The following SAP130 variants were observed in gnomAD, a reference collection of about 807,000 sequenced individuals.
SAP130 encodes Sin3A associated protein 130, also known as histone deacetylase complex subunit SAP130.
SAP130 carries 16 observed loss-of-function variants against 103.2 expected under a neutral mutation model. That is an observed-to-expected ratio of 0.16 (90% confidence interval 0.10 to 0.24). The LOEUF is 0.24. Ranked by LOEUF, SAP130 falls within the 10% of genes least tolerant of loss-of-function variation. The pLI is 1.00. For missense variants in SAP130, 990 were observed against 1,359.7 expected, an observed-to-expected ratio of 0.73 and a Z score of 4.28; for synonymous variants, 477 against 497.0, an observed-to-expected ratio of 0.96 and a Z score of 0.53.
chr2:128,015,119 G>T (rs571019569), intron 4 of SAP130, among the ~76,000 whole-genome samples: 3 of 152,120 alleles, frequency 2.0e-5, no homozygotes, highest in Non-Finnish European at 4.4e-5. Flanking sequence ...AGAAGTATGA[G>T]GACCCCACAA....
chr2:128,023,017 G>A (rs974168572), intron 2 of SAP130, among the ~76,000 whole-genome samples: 13 of 149,578 alleles, frequency 8.7e-5, no homozygotes, highest in South Asian at 2.1e-4. Context: ...TTTTTGAGAC[G>A]GAATCTTGCT....
chr2:127,965,265 C>G (rs1470736165), intron 15 of SAP130, among the ~76,000 whole-genome samples: 2 of 152,148 alleles, frequency 1.3e-5, no homozygotes, highest in African/African-American at 4.8e-5. Flanking sequence ...CCACTGCACT[C>G]CAGCCTGGCA....
At chr2:128,004,569 C>A (rs1683826570) in intron 7 of SAP130, among the ~76,000 whole-genome samples, 1 of 151,766 alleles carries the variant, frequency 6.6e-6, no homozygotes, top group South Asian at 2.1e-4. Flanking sequence ...GTATAATACT[C>A]CAAAATGAGG....
rs1247765366 is a variant in SAP130, at chr2:127,989,574, T to C, written c.1770A>G (p.Gly590=). The C allele has an allele frequency of 6.2e-7, 1 of 1,600,780 alleles. No homozygotes were observed. Among genetic ancestry groups the C allele is most frequent in the African/African-American group, 1.3e-5 (1 of 74,462 alleles). Residue 590 remains glycine (G), a synonymous_variant, in exon 13 of 21, where the codon GGA becomes GGG. Coordinates refer to ENST00000643581, the MANE Select transcript of SAP130 (RefSeq NM_001330301.2). This position sits in a 1 kb window ranked among gnomAD's most constrained non-coding sequence, Gnocchi z 4.6. ...PMGTQQPQPE[G]KTSAVVLADG... The stretch of plus-strand genomic sequence containing the variant: ...AAAATTTAAAATTACCTGAAGTCTT[T>C]CCTTCAGGCTGAGGCTGCTGAGTAC...
intron 2 of SAP130, among the ~76,000 whole-genome samples, chr2:128,018,479 T>C (rs1243384566): frequency 1.2e-5 from 1 of 85,376 alleles, no homozygotes. Context: ...AGGAAGATTG[T>C]CTCCAAAAAA....
At position 127,950,318 on chromosome 2, in the gene SAP130, C is replaced by T; in HGVS notation, c.2513G>A (p.Gly838Asp). 1 of 1,614,142 alleles carries T rather than the reference C, an allele frequency of 6.2e-7. No individual in the cohort carries two copies. The highest frequency in any genetic ancestry group is 8.5e-7 in the Non-Finnish European group (1 of 1,180,022). The change falls in exon 17 of 21, where the codon GGT (glycine) becomes GAT (aspartate). Residue 838 changes from glycine to aspartate, a missense_variant. By Grantham distance (94) the Gly-to-Asp change is moderately conservative. Around this residue, in one of 6 missense-constraint regions of SAP130, gnomAD observed 349 missense variants for 384.1 expected, o/e 0.91. Coordinates refer to ENST00000643581, the MANE Select transcript of SAP130 (RefSeq NM_001330301.2). The stretch of plus-strand genomic sequence containing the variant: ...TCGAGGCTTTTTCCTTGGGGAGGCA[C>T]CAGGTGGTAGGTCACTTGTAGGCAT... The part of the protein sequence containing the change: ...LSMPTSDLPP[G>D]ASPRKKPRKQ...
chr2:127,987,037 G>T, intron 13 of SAP130, 75 bp from the exon 14 acceptor site: 1 of 1,309,294 alleles, frequency 7.6e-7, no homozygotes. Context: ...AAATAAAAAT[G>T]ATGAGACCAC....
At chr2:128,012,446 G>C (rs1413082087) in intron 6 of SAP130, among the ~76,000 whole-genome samples, 1 of 151,976 alleles carries the variant, frequency 6.6e-6, no homozygotes, top group Admixed American at 6.6e-5. Flanking sequence ...CTTCAGCCTG[G>C]GCAACAGAGT....
intron 7 of SAP130, among the ~76,000 whole-genome samples, chr2:128,007,617 T>C (rs1394117382): frequency 1.3e-5 from 2 of 152,228 alleles, no homozygotes; most frequent in Non-Finnish European, 2.9e-5. Context: ...TATTAATAAC[T>C]GCCACAAAGT....
At chr2:128,014,539 G>A (rs1684638283) in intron 5 of SAP130, among the ~76,000 whole-genome samples, 1 of 152,194 alleles carries the variant, frequency 6.6e-6, no homozygotes, top group African/African-American at 2.4e-5. Context: ...GTTTCGCCAT[G>A]TTGCCCAGGC....
intron 2 of SAP130, among the ~76,000 whole-genome samples, chr2:128,024,342 G>A (rs1685351972): frequency 6.6e-6 from 1 of 151,956 alleles, no homozygotes; most frequent in African/African-American, 2.4e-5. Flanking sequence ...TAGGTTGGCA[G>A]GAGGAAGGCT....
chr2:127,948,231 T>A (rs928474314), intron 18 of SAP130, among the ~76,000 whole-genome samples: 1 of 152,210 alleles, frequency 6.6e-6, no homozygotes, highest in African/African-American at 2.4e-5. Context: ...TTTAGACTAT[T>A]TACATTTATG....
intron 18 of SAP130, among the ~76,000 whole-genome samples, 189 bp downstream of exon 18, chr2:127,949,680 G>A (rs534091039): frequency 1.1e-4 from 17 of 152,280 alleles, no homozygotes; most frequent in African/African-American, 4.1e-4. Flanking sequence ...CAGCTTGCTA[G>A]GGCAAAGGGT....
chr2:128,027,062 G>T (rs778849672), intron 1 of SAP130: 2 of 1,407,040 alleles, frequency 1.4e-6, no homozygotes, highest in South Asian at 1.7e-5. Flanking sequence ...CTGGGGACCC[G>T]ACCACAAGAC....
chr2:128,013,251 G>C, intron 5 of SAP130, 97 bp from the exon 6 acceptor site: 1 of 1,190,214 alleles, frequency 8.4e-7, no homozygotes, highest in South Asian at 1.7e-5. Context: ...TGTCAATATC[G>C]AGCTGAAGTA....
chr2:127,964,025 T>C (rs1680458407), intron 15 of SAP130, among the ~76,000 whole-genome samples: 1 of 152,228 alleles, frequency 6.6e-6, no homozygotes, highest in African/African-American at 2.4e-5. Context: ...AAGCCCTTTT[T>C]ACCCATTTTA....
chr2:127,941,806 C>A lies in SAP130; in HGVS notation c.*200G>T, dbSNP rs75756949. On this transcript the variant is annotated 3_prime_UTR_variant, in exon 21 of 21. Coordinates refer to ENST00000643581, the MANE Select transcript of SAP130 (RefSeq NM_001330301.2). ...CAGGTTTAACAGGGGTGCACCCGAA[C>A]GCAAGAAGGCAGCTCACTATGTCCA... 3.2e-3 allele frequency: 1,795 copies of A among 568,990 alleles called. 30 individuals are homozygous for A. The African/African-American group carries it at 0.032, about 10-fold the overall frequency. The allele number at this position is 568,990 out of a possible 1,614,324, so 35.2% of individuals were successfully genotyped here.
chr2:127,997,791 A>G (rs1360931886), intron 10 of SAP130, among the ~76,000 whole-genome samples: 1 of 152,182 alleles, frequency 6.6e-6, no homozygotes, highest in Non-Finnish European at 1.5e-5. Flanking sequence ...CCACTCAGCC[A>G]TTAATTTAAA....
rs140930383 is a variant in SAP130, at chr2:127,990,693, C to T, written c.1478-827G>A. The stretch of plus-strand genomic sequence containing the variant: ...TGATGATTTGTACCGATGATCCCAA[C>T]GCTTTGGGAGACTGAGGTATGAGGA... On this transcript the variant is annotated intron_variant, in intron 12 of 20. Transcript: ENST00000643581. Among the ~76,000 whole-genome samples, 179 of 152,230 alleles carry T rather than the reference C, an allele frequency of 1.2e-3. 1 individual carries two copies. Among genetic ancestry groups the T allele is most frequent in the East Asian group, 7.9e-3 (41 of 5,182 alleles).
Sources: allele counts gnomAD v4.1 joint callset (sites outside exome capture counted in the v4.1 genomes callset), GRCh38; gene constraint gnomAD v4.1.1; regional missense constraint gnomAD v4.1.1; non-coding constraint Gnocchi (gnomAD v3.1); transcripts MANE v1.5; gene names NCBI Gene and HGNC (gene_info 2026-07-23, HGNC 2026-07-21).